Variants in GPHN observed in about 807,000 individuals in gnomAD.
The protein encoded by GPHN is gephyrin.
GPHN carries 17 observed loss-of-function variants against 95.5 expected under a neutral mutation model. That is an observed-to-expected ratio of 0.18 (90% CI 0.12 to 0.27). GPHN has a LOEUF of 0.27. Ranked by LOEUF, GPHN falls within the 10% of genes least tolerant of loss-of-function variation. GPHN has a pLI of 1.00. For missense variants in GPHN, 660 were observed against 978.1 expected, an observed-to-expected ratio of 0.67 and a Z score of 4.34; for synonymous variants, 320 against 322.5, an observed-to-expected ratio of 0.99 and a Z score of 0.08.
chr14:67,312,012 G>A, the GPHN span: 1 of 152,620 alleles, frequency 6.6e-6, no homozygotes, highest in African/African-American at 2.4e-5. Flanking sequence ...GATGTGGTAA[G>A]GTAAAGTGTA....
At chr14:67,577,259 C>A in the GPHN span, 1 of 1,266,516 alleles carries the variant, frequency 7.9e-7, no homozygotes, top group Non-Finnish European at 1.1e-6. Flanking sequence ...AGTCCCCTCT[C>A]AGTAGTAACT....
intron 2 of GPHN, among the ~76,000 whole-genome samples, chr14:66,709,136 C>G (rs10132885): frequency 0.31 from 47,323 of 152,058 alleles, 11,196 homozygotes; most frequent in African/African-American, 0.64. Flanking sequence ...TATAATGCCT[C>G]TTTCTGATGA....
chr14:67,210,991 C>A, the GPHN span, among the ~76,000 whole-genome samples: 2 of 151,972 alleles, frequency 1.3e-5, no homozygotes, highest in African/African-American at 2.4e-5. Flanking sequence ...TGGAGTGACA[C>A]CCTGCCTCAA....
chr14:67,573,871 G>A, the GPHN span: 1 of 1,612,976 alleles, frequency 6.2e-7, no homozygotes, highest in Non-Finnish European at 8.5e-7. This position sits in a 1 kb window ranked among gnomAD's most constrained non-coding sequence, Gnocchi z 4.8. Context: ...CGAGGGGAGG[G>A]TTCACAGACG....
the GPHN span, among the ~76,000 whole-genome samples, chr14:67,531,910 CAAA>C: frequency 1.7e-3 from 136 of 79,568 alleles, 1 homozygote; most frequent in Middle Eastern, 7.8e-3. Flanking sequence ...AACCTATGTC[CAAA>C]AAAAAAAAAA....
intron 20 of GPHN, among the ~76,000 whole-genome samples, chr14:67,167,596 T>A (rs1041883280): frequency 6.6e-6 from 1 of 152,180 alleles, no homozygotes; most frequent in Non-Finnish European, 1.5e-5. Context: ...AATAATAGGC[T>A]AAACTGACCA....
chr14:66,571,200 A>G (rs543393316), intron 1 of GPHN, among the ~76,000 whole-genome samples: 50 of 152,306 alleles, frequency 3.3e-4, no homozygotes, highest in Middle Eastern at 6.8e-3. Flanking sequence ...TTCACGTGGC[A>G]GGAGAGCGAA....
At chr14:67,651,914 T>A in the GPHN span, among the ~76,000 whole-genome samples, 1 of 152,200 alleles carries the variant, frequency 6.6e-6, no homozygotes, top group African/African-American at 2.4e-5. Flanking sequence ...TGCTCTCCTA[T>A]CAACCCAAAT....
chr14:67,087,056 A>AC (rs1567311468), intron 11 of GPHN, among the ~76,000 whole-genome samples: 1 of 149,978 alleles, frequency 6.7e-6, no homozygotes, highest in Non-Finnish European at 1.5e-5. Context: ...AAAAAAAAAA[A>AC]CTCTCTTCCT....
chr14:67,350,261 A>G, the GPHN span, among the ~76,000 whole-genome samples: 1 of 152,224 alleles, frequency 6.6e-6, no homozygotes, highest in Non-Finnish European at 1.5e-5. Flanking sequence ...TTTCCCTAAT[A>G]TTCCAAAAAA....
chr14:67,697,362 G>C, the GPHN span, among the ~76,000 whole-genome samples: 1 of 152,172 alleles, frequency 6.6e-6, no homozygotes, highest in Non-Finnish European at 1.5e-5. Context: ...AAGCAACATA[G>C]ACAAGAGTGT....
At chr14:67,170,055 G>T (rs909477682) in intron 21 of GPHN, among the ~76,000 whole-genome samples, 4 of 152,088 alleles carry the variant, frequency 2.6e-5, no homozygotes, top group African/African-American at 9.7e-5. Context: ...TTCAGCCTGG[G>T]AAACAAGAGC....
the GPHN span, chr14:67,724,422 T>G: frequency 6.1e-6 from 7 of 1,144,104 alleles, no homozygotes; most frequent in African/African-American, 1.5e-5. Flanking sequence ...CGTATCTTAG[T>G]GTGAGCTCGT....
At chr14:67,502,386 C>T in the GPHN span, among the ~76,000 whole-genome samples, 1 of 148,962 alleles carries the variant, frequency 6.7e-6, no homozygotes, top group Non-Finnish European at 1.5e-5. Context: ...AGGACCCAAA[C>T]TTTTGTTATA....
chr14:67,325,843 C>CT, the GPHN span, among the ~76,000 whole-genome samples: 6 of 150,654 alleles, frequency 4.0e-5, no homozygotes, highest in African/African-American at 1.5e-4. Flanking sequence ...GAGTCTTACT[C>CT]TGTCGCCCAG....
chr14:67,555,509 G>A, the GPHN span, among the ~76,000 whole-genome samples: 1 of 152,154 alleles, frequency 6.6e-6, no homozygotes, highest in East Asian at 1.9e-4. Context: ...CCAGGACAGG[G>A]TGGGATGCTC....
chr14:67,060,491 T>G (rs1040242851), intron 11 of GPHN, among the ~76,000 whole-genome samples: 2 of 152,218 alleles, frequency 1.3e-5, no homozygotes, highest in Non-Finnish European at 2.9e-5. Flanking sequence ...CTAGGCACTT[T>G]GATTAGGTGT....
At chr14:67,379,648 C>CTTTTACTTTTTT in the GPHN span, among the ~76,000 whole-genome samples, 1 of 135,324 alleles carries the variant, frequency 7.4e-6, no homozygotes, top group African/African-American at 3.1e-5. Context: ...TTCTTTTTTT[C>CTTTTACTTTTTT]TTTTTCTTTT....
At chr14:67,522,201 A>G in the GPHN span, among the ~76,000 whole-genome samples, 3 of 152,072 alleles carry the variant, frequency 2.0e-5, no homozygotes, top group Admixed American at 1.3e-4. Context: ...AAAAAAAGGA[A>G]AGAAAGTTGG....
Sources: allele counts gnomAD v4.1 joint callset (sites outside exome capture counted in the v4.1 genomes callset), GRCh38; gene constraint gnomAD v4.1.1; non-coding constraint Gnocchi (gnomAD v3.1); transcripts MANE v1.5; gene names NCBI Gene and HGNC (gene_info 2026-07-23, HGNC 2026-07-21).